MYBPC1: variants seen among roughly 807,000 people sequenced by gnomAD.
The protein encoded by MYBPC1 is myosin-binding protein C, slow-type.
MYBPC1 carries 52 observed loss-of-function variants against 147.1 expected under a neutral mutation model. The observed-to-expected ratio is 0.35, with a 90% confidence interval of 0.28 to 0.45. The LOEUF is 0.45. Ranked by LOEUF, MYBPC1 falls within the 20% of genes least tolerant of loss-of-function variation. MYBPC1 has a pLI of 1.00. For synonymous variants in MYBPC1, 477 were observed against 475.9 expected, an observed-to-expected ratio of 1.00 and a Z score of -0.03; for missense variants, 1,228 against 1,440.3, an observed-to-expected ratio of 0.85 and a Z score of 2.39.
rs1380264373 is a variant in MYBPC1, at chr12:101,604,497, C to A, written c.25+9402C>A. On this transcript the variant is annotated intron_variant, in intron 1 of 31. Transcript: ENST00000361466. The stretch of plus-strand genomic sequence containing the variant: ...TCATTCTGAATAGCTGGATTCTCTG[C>A]ACAGCTAAAGGTTAATTTTGTTATA... 3.9e-5 allele frequency among the ~76,000 whole-genome samples: 6 copies of A among 152,160 alleles called. No homozygotes were observed. The East Asian group carries it at 1.2e-3, about 29-fold the overall frequency.
chr12:101,631,534 G>A (rs750466179), intron 6 of MYBPC1, 37 bp from the exon 7 acceptor site: 1 of 1,611,402 alleles, frequency 6.2e-7, no homozygotes, highest in African/African-American at 1.3e-5. Flanking sequence ...AATGACGCTT[G>A]TTAAAGAGCA....
At chr12:101,688,953 C>CAA (rs748533294), downstream of MYBPC1, among the ~76,000 whole-genome samples, 252 of 68,238 alleles carry the variant, frequency 3.7e-3, no homozygotes, top group African/African-American at 8.9e-3. Flanking sequence ...GACCGTATCT[C>CAA]AAAAAAAAAA....
At chr12:101,636,826 T>A (rs1891080747) in intron 10 of MYBPC1, 98 bp downstream of exon 10, 1 of 1,008,664 alleles carries the variant, frequency 9.9e-7, no homozygotes, top group South Asian at 1.3e-5. Context: ...TTCAGAGAAT[T>A]TTTCATTTCT....
chr12:101,631,045 G>T (rs1409691186), intron 6 of MYBPC1, among the ~76,000 whole-genome samples: 1 of 152,134 alleles, frequency 6.6e-6, no homozygotes, highest in Non-Finnish European at 1.5e-5. Flanking sequence ...CGTCCTCAGG[G>T]TCTAAATCAC....
chr12:101,610,619 C>A (rs1883922905), intron 1 of MYBPC1, among the ~76,000 whole-genome samples: 1 of 152,206 alleles, frequency 6.6e-6, no homozygotes, highest in African/African-American at 2.4e-5. Context: ...TTAATGCATT[C>A]ATTCCTGCCA....
chr12:101,685,081 T>C (rs1176674311), intron 31 of MYBPC1, among the ~76,000 whole-genome samples: 1 of 152,244 alleles, frequency 6.6e-6, no homozygotes, highest in African/African-American at 2.4e-5. Context: ...ATTTTTGTGC[T>C]TTTGACATGC....
intron 1 of MYBPC1, among the ~76,000 whole-genome samples, chr12:101,598,015 T>C (rs932065905): frequency 4.8e-5 from 7 of 145,538 alleles, no homozygotes; most frequent in Non-Finnish European, 1.5e-5. Flanking sequence ...AAATCACCTT[T>C]CTTTTTTTTT....
chr12:101,625,437 C>A (rs1000804135), intron 3 of MYBPC1, among the ~76,000 whole-genome samples: 1 of 152,106 alleles, frequency 6.6e-6, no homozygotes, highest in African/African-American at 2.4e-5. Flanking sequence ...TTCTACCACA[C>A]GATAAATAAC....
chr12:101,676,935 G>C (rs1900130630), intron 26 of MYBPC1, among the ~76,000 whole-genome samples: 1 of 152,110 alleles, frequency 6.6e-6, no homozygotes, highest in Non-Finnish European at 1.5e-5. Context: ...ATAGATGACA[G>C]ACACCTAAAG....
At chr12:101,650,268 G>A (rs936278738) in intron 15 of MYBPC1, among the ~76,000 whole-genome samples, 1 of 152,148 alleles carries the variant, frequency 6.6e-6, no homozygotes, top group Admixed American at 6.5e-5. Context: ...GGTTTGTAGG[G>A]GAAATGGGAT....
rs1044602786 is a variant in MYBPC1, at chr12:101,685,904, G to A, written c.*342G>A. On this transcript the variant is annotated 3_prime_UTR_variant, in exon 32 of 32. Transcript: ENST00000361466. ...CAGCACTTTGGTCATTATTATCTCT[G>A]CTCACTGTATTATACTTTACAAAAA... 3 of 428,454 alleles carry A rather than the reference G, an allele frequency of 7.0e-6. No individual in the cohort carries two copies. Among genetic ancestry groups the A allele is most frequent in the Non-Finnish European group, 1.2e-5 (3 of 240,130 alleles). 26.5% of individuals were successfully genotyped at this position (428,454 alleles called of 1,614,324 possible).
intron 24 of MYBPC1, 95 bp from the exon 25 acceptor site, chr12:101,673,332 A>G: frequency 7.7e-7 from 1 of 1,292,358 alleles, no homozygotes; most frequent in Non-Finnish European, 1.1e-6. Flanking sequence ...AGCCCTGCCT[A>G]GAATGGGTTA....
At chr12:101,640,102 C>T (rs1385266107) in intron 10 of MYBPC1, among the ~76,000 whole-genome samples, 1 of 152,110 alleles carries the variant, frequency 6.6e-6, no homozygotes, top group Non-Finnish European at 1.5e-5. Flanking sequence ...GCAGCCTCGA[C>T]CTCCTGGGCT....
intron 20 of MYBPC1, among the ~76,000 whole-genome samples, 168 bp downstream of exon 20, chr12:101,661,430 C>T (rs1036560221): frequency 1.3e-5 from 2 of 152,128 alleles, no homozygotes; most frequent in Admixed American, 6.5e-5. Flanking sequence ...TGTAATTACT[C>T]GAGATTTAAA....
intron 6 of MYBPC1, among the ~76,000 whole-genome samples, chr12:101,630,511 A>G (rs892106464): frequency 3.3e-5 from 5 of 152,194 alleles, no homozygotes; most frequent in African/African-American, 7.2e-5. Context: ...GACACACCAT[A>G]ATGCTGAGCC....
intron 1 of MYBPC1, among the ~76,000 whole-genome samples, chr12:101,598,746 G>C (rs896767933): frequency 3.9e-5 from 6 of 151,944 alleles, no homozygotes; most frequent in African/African-American, 1.5e-4. Flanking sequence ...GCTAATAGCT[G>C]ATTTTGTTAT....
intron 3 of MYBPC1, among the ~76,000 whole-genome samples, chr12:101,625,889 C>A (rs972904820): frequency 1.3e-5 from 2 of 151,754 alleles, no homozygotes; most frequent in Admixed American, 6.6e-5. Flanking sequence ...ATCGAGACCA[C>A]CCTGGCCAAC....
At chr12:101,609,073 G>A (rs1883320544) in intron 1 of MYBPC1, among the ~76,000 whole-genome samples, 1 of 152,066 alleles carries the variant, frequency 6.6e-6, no homozygotes. Context: ...AAAGGAGAAG[G>A]AGAAGGGCCT....
Position 101,626,868 on chromosome 12 carries a change from T to C in MYBPC1, c.104-4T>C. 6.2e-7 allele frequency: 1 copy of C among 1,611,730 alleles called. No homozygotes were observed. The highest frequency in any genetic ancestry group is 8.5e-7 in the Non-Finnish European group (1 of 1,177,764). ...TGACTTTTTACTCCTATTTCTTGTT[T>C]CAGATGAAGAGGAAGTCTCCCCGCC... On this transcript the variant is annotated splice_polypyrimidine_tract_variant and splice_region_variant and intron_variant, in intron 3 of 31. Coordinates refer to ENST00000361466, the MANE Select transcript of MYBPC1 (RefSeq NM_002465.4).
Sources: gnomAD v4.1 joint callset for allele counts (sites outside exome capture counted in the v4.1 genomes callset) on GRCh38, gnomAD v4.1.1 for gene constraint, MANE v1.5 for transcripts, NCBI Gene and HGNC (gene_info 2026-07-23, HGNC 2026-07-21) for gene names.